Variants in MUC4 observed in about 807,000 individuals in gnomAD.
The protein encoded by MUC4 is mucin 4, cell surface associated.
MUC4 carries 202 observed loss-of-function variants against 257.9 expected under a neutral mutation model. The ratio of observed to expected loss-of-function variants is 0.78; its 90% CI spans 0.70 to 0.88. The LOEUF is 0.88. Among genes scored for constraint, MUC4 ranks in the 40% least tolerant of loss-of-function variants. The pLI is 0.00. For missense variants in MUC4, 5,976 were observed against 6,513.7 expected (o/e 0.92, Z 2.84); for synonymous variants, 2,351 against 2,757.1 (o/e 0.85, Z 4.62).
At chr3:195,778,676 C>G in intron 2 of MUC4, 114 bp downstream of exon 2, 1 of 1,346,084 alleles carries the variant, frequency 7.4e-7, no homozygotes, top group Non-Finnish European at 1.0e-6. Context: ...CCTGTGGGAC[C>G]TGACACGGCC....
intron 1 of MUC4, among the ~76,000 whole-genome samples, chr3:195,799,854 A>C (rs934185485): frequency 6.6e-6 from 1 of 152,238 alleles, no homozygotes; most frequent in African/African-American, 2.4e-5. Context: ...CAGAAAGCTT[A>C]TGCCAATTTA....
intron 4 of MUC4, 30 bp downstream of exon 4, chr3:195,774,142 C>A: frequency 6.3e-7 from 1 of 1,577,238 alleles, no homozygotes; most frequent in Non-Finnish European, 8.6e-7. Context: ...CCTGGGAGTT[C>A]AGGCTGCGCG....
At chr3:195,758,017 C>A (rs1454678136) in intron 17 of MUC4, among the ~76,000 whole-genome samples, 1 of 152,144 alleles carries the variant, frequency 6.6e-6, no homozygotes, top group African/African-American at 2.4e-5. Context: ...GGGATGCAGG[C>A]AAAGCAGTCC....
rs114332269 is a variant in MUC4, at chr3:195,794,698, G to A, written c.83-3201C>T. Among the ~76,000 whole-genome samples the A allele has an allele frequency of 2.1e-3, 318 of 152,222 alleles. 5 individuals are homozygous for A. Among genetic ancestry groups the A allele is most frequent in the African/African-American group, 7.5e-3 (310 of 41,514 alleles). On this transcript the variant is annotated intron_variant, in intron 1 of 24. Transcript: ENST00000463781. The stretch of plus-strand genomic sequence containing the variant: ...CTCAGTGCTCCTAGATAGTTGGCAA[G>A]ATGATACTCAGAGAGACAAAGTCTC...
Position 195,763,418 on chromosome 3 carries a change from G to A in MUC4, c.14253+15C>T, listed in dbSNP as rs1378045552. ...TGGGTGGAATGCAGGGAGGTTCCCG[G>A]CACCCCTCACTCACCGTGACGGGGC... On this transcript the variant is annotated intron_variant, in intron 12 of 24. Transcript: ENST00000463781. 1 of 1,399,864 alleles carries A rather than the reference G, an allele frequency of 7.1e-7. No individual in the cohort carries two copies. Among genetic ancestry groups the A allele is most frequent in the Non-Finnish European group, 9.3e-7 (1 of 1,073,682 alleles). The allele number at this position is 1,399,864 out of a possible 1,614,324, so 86.7% of individuals were successfully genotyped here.
chr3:195,754,325 C>T lies in MUC4; in HGVS notation c.15216G>A (p.Glu5072=), dbSNP rs1262075095. The T allele has an allele frequency of 2.5e-6, 4 of 1,612,624 alleles. No homozygotes were observed. Among genetic ancestry groups the T allele is most frequent in the Non-Finnish European group, 3.4e-6 (4 of 1,179,778 alleles). The stretch of plus-strand genomic sequence containing the variant: ...GCTCCTCACAGGCATCCTCGGAGCC[C>T]TCGCAGTAGCGGCCGAAGGTGCCCC... ...CDGGTFGRYC[E]GSEDACEEPC... The change falls in exon 19 of 25, where the codon GAG becomes GAA. Residue 5072 remains glutamate, a synonymous_variant. Transcript: ENST00000463781.
chr3:195,805,530 C>G (rs1237483327), intron 1 of MUC4, among the ~76,000 whole-genome samples: 1 of 152,200 alleles, frequency 6.6e-6, no homozygotes, highest in Non-Finnish European at 1.5e-5. Context: ...CTGGCTGCCT[C>G]TCCACAGTGG....
intron 1 of MUC4, among the ~76,000 whole-genome samples, chr3:195,792,106 G>A (rs778900691): frequency 2.6e-5 from 4 of 152,158 alleles, no homozygotes; most frequent in Non-Finnish European, 5.9e-5. Flanking sequence ...ATCTCCAAAA[G>A]CACTTGCAAC....
At chr3:195,772,249 G>A (rs1029730848) in intron 4 of MUC4, among the ~76,000 whole-genome samples, 1 of 151,540 alleles carries the variant, frequency 6.6e-6, no homozygotes, top group East Asian at 2.0e-4. Flanking sequence ...CAGGGGTGTA[G>A]ACACCCTCTC....
At chr3:195,795,948 C>G (rs1182390040) in intron 1 of MUC4, among the ~76,000 whole-genome samples, 1 of 151,214 alleles carries the variant, frequency 6.6e-6, no homozygotes, top group Non-Finnish European at 1.5e-5. Flanking sequence ...ATTTAAGAGA[C>G]AGTGCTCTGA....
chr3:195,805,340 C>T (rs867479325), intron 1 of MUC4, among the ~76,000 whole-genome samples: 1 of 152,144 alleles, frequency 6.6e-6, no homozygotes. Flanking sequence ...AGCACCAAAC[C>T]AAGAAGCACC....
rs546994106 is a variant in MUC4 at position 195,782,432 on chromosome 3, A to T, written c.9148T>A (p.Ser3050Thr). The T allele has an allele frequency of 3.6e-5, 53 of 1,458,488 alleles. 1 individual carries two copies. In the African/African-American group the frequency reaches 7.0e-4, roughly 19 times the overall value. 90.3% of individuals were successfully genotyped at this position (1,458,488 alleles called of 1,614,324 possible). The stretch of plus-strand genomic sequence containing the variant: ...TGAAGAGGGTTGGCGTGACCTGTGG[A>T]TGCTGAGGAAGTGTCGGTGACAGGA... ...PLPVTDTSSA[S>T]TGHANPLHVT... Residue 3050 changes from serine to threonine, a missense_variant, in exon 2 of 25, where the codon TCC becomes ACC. By Grantham distance (58) the Ser-to-Thr change is moderately conservative. Transcript: ENST00000463781.
intron 4 of MUC4, 117 bp downstream of exon 4, chr3:195,774,055 G>C: frequency 7.6e-7 from 1 of 1,317,928 alleles, no homozygotes; most frequent in Non-Finnish European, 1.0e-6. Flanking sequence ...TGTGGGGATG[G>C]ACGAGGGGCC....
chr3:195,770,435 A>G, intron 5 of MUC4, 64 bp from the exon 6 acceptor site: 1 of 1,588,660 alleles, frequency 6.3e-7, no homozygotes, highest in Non-Finnish European at 8.6e-7. Context: ...TGGGCCCCCC[A>G]CTTTCTGCCT....
At chr3:195,795,565 G>GTCAA (rs1734466050) in intron 1 of MUC4, among the ~76,000 whole-genome samples, 1 of 152,128 alleles carries the variant, frequency 6.6e-6, no homozygotes, top group African/African-American at 2.4e-5. Flanking sequence ...AAGATGGTGA[G>GTCAA]TCAATGCCCT....
chr3:195,793,143 TAAAAA>T (rs1287964440), intron 1 of MUC4, among the ~76,000 whole-genome samples: 1 of 151,128 alleles, frequency 6.6e-6, no homozygotes, highest in African/African-American at 2.4e-5. Context: ...TGAAAAGAAA[TAAAAA>T]GAAAAAATGA....
rs775624495 is a variant in MUC4 at position 195,753,009 on chromosome 3, A to G, written c.15508+42T>C. ...GTGCGGGGGTGAGAGGGTGGGGCCC[A>G]GGAAGAGTGCGGGGGTGAGAGGGCG... On this transcript the variant is annotated intron_variant, in intron 20 of 24. Coordinates refer to ENST00000463781, the MANE Select transcript of MUC4 (RefSeq NM_018406.7). 89 of 1,549,720 alleles carry G rather than the reference A, an allele frequency of 5.7e-5. 1 individual carries two copies. The South Asian group carries it at 1.0e-3, about 18-fold the overall frequency.
At chr3:195,747,410 C>A (rs1402889288) in intron 24 of MUC4, 30 bp from the exon 25 acceptor site, 2 of 1,607,898 alleles carry the variant, frequency 1.2e-6, no homozygotes, top group South Asian at 2.2e-5. Context: ...GACAGGCGGT[C>A]AGAGGCGGGA....
At chr3:195,767,894 ACCATCACCACCATCACCATCG>A (rs1164803994) in intron 7 of MUC4, among the ~76,000 whole-genome samples, 4,563 of 140,850 alleles carry the variant, frequency 0.032, 477 homozygotes, top group African/African-American at 0.13. Flanking sequence ...CATCACCACC[ACCATCACCACCATCACCATCG>A]CCACTGCCAC....
Sources: allele counts gnomAD v4.1 joint callset (sites outside exome capture counted in the v4.1 genomes callset), GRCh38; gene constraint gnomAD v4.1.1; transcripts MANE v1.5; gene names NCBI Gene and HGNC (gene_info 2026-07-23, HGNC 2026-07-21).